KCNT2: variants seen among roughly 807,000 people sequenced by gnomAD.
KCNT2 encodes the protein potassium channel subfamily T member 2.
KCNT2 carries 67 observed loss-of-function variants against 153.8 expected under a neutral mutation model. That is an observed-to-expected ratio of 0.44 (90% CI 0.36 to 0.53). KCNT2 has a LOEUF of 0.53. Among genes scored for constraint, KCNT2 ranks in the 20% least tolerant of loss-of-function variants. The pLI is 0.00. For missense variants in KCNT2, 975 were observed against 1,354.8 expected, an observed-to-expected ratio of 0.72 and a Z score of 4.40; for synonymous variants, 500 against 458.8, an observed-to-expected ratio of 1.09 and a Z score of -1.15.
chr1:196,598,616 C>T (rs1422834432), intron 1 of KCNT2, among the ~76,000 whole-genome samples: 3 of 152,124 alleles, frequency 2.0e-5, no homozygotes, highest in Non-Finnish European at 4.4e-5. Flanking sequence ...GAATTTTGTT[C>T]TTCCTATTAT....
At chr1:196,303,595 C>T (rs1383276280) in intron 22 of KCNT2, among the ~76,000 whole-genome samples, 1 of 152,056 alleles carries the variant, frequency 6.6e-6, no homozygotes, top group Admixed American at 6.6e-5. Flanking sequence ...GCTTTTAGTA[C>T]CATTTATTTG....
In KCNT2 at chr1:196,452,792, G is replaced by A. The variant is rs537556456; in HGVS notation, c.638+12501C>T. Among the ~76,000 whole-genome samples the A allele has an allele frequency of 3.3e-5, 5 of 152,084 alleles. No individual in the cohort carries two copies. The South Asian group carries it at 1.0e-3, about 32-fold the overall frequency. ...GGTGTGAGAGACCCAGGGAAAGCCA[G>A]TGTTGAAGTCTGAAGTCAGTTAGTG... On this transcript the variant is annotated intron_variant, in intron 8 of 27. Transcript: ENST00000294725.
chr1:196,531,095 T>G (rs1170276307), intron 1 of KCNT2, among the ~76,000 whole-genome samples: 2 of 152,126 alleles, frequency 1.3e-5, no homozygotes. Context: ...TCCTCTAATA[T>G]TCTCATAACT....
chr1:196,588,032 T>A (rs1162211267), intron 1 of KCNT2, among the ~76,000 whole-genome samples: 1 of 152,036 alleles, frequency 6.6e-6, no homozygotes, highest in Non-Finnish European at 1.5e-5. Flanking sequence ...TCATAATCAA[T>A]ACTTTGAAAA....
chr1:196,467,762 G>C lies in KCNT2; in HGVS notation c.484C>G (p.Leu162Val). ...ISIFWPSLRN[L>V]FVPVFLNCWL... ...CAGTTCAGAAAGACTGGGACAAATA[G>C]ATTCCTTAAGGAAGGCCAGAATATC... Residue 162 changes from leucine (L) to valine (V), a missense_variant, in exon 7 of 28, where the codon CTA becomes GTA. Leu to Val is a conservative substitution (Grantham distance 32). Around this residue, in one of 6 missense-constraint regions of KCNT2, gnomAD observed 140 missense variants for 216.0 expected, o/e 0.65. Coordinates refer to ENST00000294725, the MANE Select transcript of KCNT2 (RefSeq NM_198503.5). 6.2e-7 allele frequency: 1 copy of C among 1,605,010 alleles called. No individual in the cohort carries two copies. The highest frequency in any genetic ancestry group is 8.5e-7 in the Non-Finnish European group (1 of 1,173,950).
intron 25 of KCNT2, among the ~76,000 whole-genome samples, chr1:196,277,500 G>A (rs978654889): frequency 9.9e-5 from 15 of 152,130 alleles, no homozygotes; most frequent in Non-Finnish European, 4.4e-5. Context: ...GGGTCCAGAG[G>A]CCACAGACCA....
chr1:196,287,747 A>G lies in KCNT2; in HGVS notation c.2596-1989T>C, dbSNP rs537229185. Among the ~76,000 whole-genome samples the G allele has an allele frequency of 3.3e-5, 5 of 152,218 alleles. No individual in the cohort carries two copies. The East Asian group carries it at 5.8e-4, about 18-fold the overall frequency. On this transcript the variant is annotated intron_variant, in intron 22 of 27. Coordinates refer to ENST00000294725, the MANE Select transcript of KCNT2 (RefSeq NM_198503.5). ...ACGTACTTTGTGTAGGGCATCAATC[A>G]TCCTCAGTGCTAGGAATACAGAGCT...
At chr1:196,306,305 A>C (rs1661630595) in intron 21 of KCNT2, among the ~76,000 whole-genome samples, 2 of 152,154 alleles carry the variant, frequency 1.3e-5, no homozygotes, top group Non-Finnish European at 2.9e-5. Context: ...AATATGCAGA[A>C]TATAAACAGC....
At chr1:196,329,689 G>C (rs1031466513) in intron 18 of KCNT2, among the ~76,000 whole-genome samples, 10 of 150,016 alleles carry the variant, frequency 6.7e-5, no homozygotes, top group African/African-American at 2.5e-4. Context: ...TGAAATTTAG[G>C]ATTTATTAAT....
At position 196,313,313 on chromosome 1, in the gene KCNT2, G is replaced by A. The variant is rs117099556; in HGVS notation, c.2483+2579C>T. On this transcript the variant is annotated intron_variant, in intron 21 of 27. Transcript: ENST00000294725. ...ATGCTAGAAACTGAGAATGTGGAGT[G>A]TAAAATTATTCATAGTTCAAGGTTT... 1.1e-3 allele frequency among the ~76,000 whole-genome samples: 162 copies of A among 151,726 alleles called. 2 individuals are homozygous for A. The East Asian group carries it at 0.029, about 27-fold the overall frequency.
chr1:196,537,251 C>G (rs914964499), intron 1 of KCNT2, among the ~76,000 whole-genome samples: 1 of 152,170 alleles, frequency 6.6e-6, no homozygotes, highest in Non-Finnish European at 1.5e-5. Flanking sequence ...CCACAACATA[C>G]GGTGAGGCTA....
At chr1:196,240,968 G>A (rs1180131555) in intron 26 of KCNT2, among the ~76,000 whole-genome samples, 1 of 151,820 alleles carries the variant, frequency 6.6e-6, no homozygotes, top group South Asian at 2.1e-4. Flanking sequence ...TTGGTAGCAA[G>A]AGAACAATAG....
At chr1:196,434,159 T>C (rs565489776) in intron 8 of KCNT2, among the ~76,000 whole-genome samples, 6 of 152,174 alleles carry the variant, frequency 3.9e-5, no homozygotes, top group African/African-American at 1.4e-4. Context: ...AAATGTAGTC[T>C]AGTATTACCA....
At chr1:196,298,920 A>G (rs1345791690) in intron 22 of KCNT2, among the ~76,000 whole-genome samples, 1 of 151,210 alleles carries the variant, frequency 6.6e-6, no homozygotes, top group East Asian at 1.9e-4. Flanking sequence ...TTTTTATTAT[A>G]CCAGCTAGTT....
chr1:196,521,186 T>A (rs1379882089), intron 1 of KCNT2, among the ~76,000 whole-genome samples: 1 of 152,082 alleles, frequency 6.6e-6, no homozygotes, highest in Non-Finnish European at 1.5e-5. Flanking sequence ...AACAATCATA[T>A]AAAAAATAGC....
chr1:196,535,374 T>C (rs1335451772), intron 1 of KCNT2, among the ~76,000 whole-genome samples: 3 of 152,222 alleles, frequency 2.0e-5, no homozygotes, highest in South Asian at 4.1e-4. Context: ...TTAAAGATAG[T>C]ATCAGTAACA....
intron 13 of KCNT2, among the ~76,000 whole-genome samples, chr1:196,382,373 C>G (rs193106714): frequency 1.3e-3 from 205 of 152,076 alleles, no homozygotes; most frequent in African/African-American, 4.8e-3. Flanking sequence ...TCCCAAAGTG[C>G]TGGGATTACA....
intron 1 of KCNT2, among the ~76,000 whole-genome samples, chr1:196,559,617 A>G (rs1239955741): frequency 2.6e-5 from 4 of 151,834 alleles, no homozygotes; most frequent in Non-Finnish European, 5.9e-5. Context: ...GCAAAGTAAG[A>G]AAGTTTCTAT....
intron 13 of KCNT2, among the ~76,000 whole-genome samples, chr1:196,383,545 G>C (rs1292677502): frequency 6.6e-6 from 1 of 152,090 alleles, no homozygotes; most frequent in Non-Finnish European, 1.5e-5. Flanking sequence ...TTATAGCACT[G>C]GGTGATTGAA....
Sources: gnomAD v4.1 joint callset for allele counts (sites outside exome capture counted in the v4.1 genomes callset) on GRCh38, gnomAD v4.1.1 for gene constraint, gnomAD v4.1.1 regional missense constraint, MANE v1.5 for transcripts, NCBI Gene and HGNC (gene_info 2026-07-23, HGNC 2026-07-21) for gene names.